PIK3R1: variants seen among roughly 807,000 people sequenced by gnomAD.
PIK3R1 encodes the protein phosphoinositide-3-kinase regulatory subunit 1, also known as phosphatidylinositol 3-kinase regulatory subunit alpha.
A neutral mutation model predicts 98.0 loss-of-function variants in PIK3R1; 29 were observed. The observed-to-expected ratio is 0.30, with a 90% CI of 0.22 to 0.40. The LOEUF (loss-of-function observed/expected upper bound fraction) is 0.40, where lower values mean the gene tolerates loss of function less well. Among genes scored for constraint, PIK3R1 ranks in the 10% least tolerant of loss-of-function variants. The pLI is 1.00. For synonymous variants in PIK3R1, 282 were observed against 311.8 expected, an observed-to-expected ratio of 0.90 and a Z score of 1.01; for missense variants, 596 against 872.7, an observed-to-expected ratio of 0.68 and a Z score of 3.99.
At position 68,225,732 on chromosome 5, in the gene PIK3R1, G is replaced by C. The variant is rs1744247824; in HGVS notation, c.-386-558G>C. On this transcript the variant is annotated intron_variant, in intron 1 of 15. Coordinates refer to ENST00000521381, the MANE Select transcript of PIK3R1 (RefSeq NM_181523.3). ...CCAAGCCCTTTCCGTGTTCCACACT[G>C]TGGGCTGAATTACTCACAAACTCAG... 6.6e-5 allele frequency among the ~76,000 whole-genome samples: 10 copies of C among 152,300 alleles called. No individual in the cohort carries two copies. The South Asian group carries it at 2.1e-3, about 32-fold the overall frequency.
chr5:68,225,661 A>G (rs1180988056), intron 1 of PIK3R1, among the ~76,000 whole-genome samples: 1 of 152,100 alleles, frequency 6.6e-6, no homozygotes, highest in Non-Finnish European at 1.5e-5. Context: ...CTGTGGTTAG[A>G]TTGATATTCC....
At chr5:68,238,355 T>C (rs1186630587) in intron 2 of PIK3R1, among the ~76,000 whole-genome samples, 1 of 152,188 alleles carries the variant, frequency 6.6e-6, no homozygotes, top group Non-Finnish European at 1.5e-5. Context: ...CTGAACCATG[T>C]CCATCTATAA....
intron 2 of PIK3R1, among the ~76,000 whole-genome samples, chr5:68,254,836 CT>C (rs66853734): frequency 0.64 from 95,256 of 148,392 alleles, 30,400 homozygotes; most frequent in African/African-American, 0.7. Flanking sequence ...TTCTTTTTTT[CT>C]TTTTTTTTTT....
chr5:68,267,974 C>T (rs1402182757), intron 2 of PIK3R1, among the ~76,000 whole-genome samples: 1 of 151,990 alleles, frequency 6.6e-6, no homozygotes, highest in African/African-American at 2.4e-5. Flanking sequence ...CAATTGCAAT[C>T]GGGTATTTCC....
At chr5:68,262,614 CACA>C in intron 2 of PIK3R1, among the ~76,000 whole-genome samples, 1 of 136,496 alleles carries the variant, frequency 7.3e-6, no homozygotes, top group African/African-American at 2.9e-5. Context: ...CACATGTATA[CACA>C]TGTAGATGCA....
chr5:68,288,579 G>A (rs915396023), intron 7 of PIK3R1: 22 of 1,523,420 alleles, frequency 1.4e-5, no homozygotes, highest in Non-Finnish European at 1.9e-5. Flanking sequence ...CGGCGCCCCC[G>A]CTCCTGCGCG....
At position 68,301,390 on chromosome 5, in the gene PIK3R1, GTGTA is replaced by G. The variant is rs1215346452; in HGVS notation, c.*3791_*3794del. On this transcript the variant is annotated 3_prime_UTR_variant, in exon 16 of 16. Transcript: ENST00000521381. ...TATGTGTGTGTGTGTGTGTGTGTGTGTGTATATATATATATATATATATATATAT... is the reference window on the plus strand; with the variant it reads ...TATGTGTGTGTGTGTGTGTGTGTGTGTATATATATATATATATATATATAT... The G allele has an allele frequency of 9.6e-4, 34 of 35,582 alleles. No homozygotes were observed. Among genetic ancestry groups the G allele is most frequent in the African/African-American group, 3.1e-3 (29 of 9,398 alleles). 2.2% of individuals were successfully genotyped at this position (35,582 alleles called of 1,614,324 possible).
chr5:68,263,157 A>G (rs868250476), intron 2 of PIK3R1, among the ~76,000 whole-genome samples: 1 of 146,538 alleles, frequency 6.8e-6, no homozygotes, highest in Non-Finnish European at 1.5e-5. Context: ...ATATATGTAC[A>G]TATATCTACA....
chr5:68,246,924 C>T (rs62355063), intron 2 of PIK3R1, among the ~76,000 whole-genome samples: 3 of 152,084 alleles, frequency 2.0e-5, no homozygotes, highest in African/African-American at 4.8e-5. Context: ...AAATGCTGAG[C>T]CTTAAGAGGG....
chr5:68,262,740 T>A, intron 2 of PIK3R1, among the ~76,000 whole-genome samples: 1 of 140,846 alleles, frequency 7.1e-6, no homozygotes, highest in South Asian at 2.2e-4. Flanking sequence ...TACATGTAGA[T>A]GCATGTAGAT....
chr5:68,273,710 T>C (rs1746457128), intron 3 of PIK3R1: 9 of 591,958 alleles, frequency 1.5e-5, no homozygotes, highest in Non-Finnish European at 2.7e-5. Context: ...TATTAAATTC[T>C]TCATAATTTA....
chr5:68,299,270 G>A lies in PIK3R1; in HGVS notation c.*1669G>A, dbSNP rs899143586. ...TGAAAAATACTTTTGGTGGTATGTT[G>A]GTTACCCTCCTAGCTTTCCATTTGG... On this transcript the variant is annotated 3_prime_UTR_variant, in exon 16 of 16. Transcript: ENST00000521381. The A allele has an allele frequency of 3.9e-5, 9 of 233,334 alleles. No homozygotes were observed. Among genetic ancestry groups the A allele is most frequent in the African/African-American group, 2.0e-4 (9 of 45,268 alleles). The allele number at this position is 233,334 out of a possible 1,614,324, so 14.5% of individuals were successfully genotyped here. A position where few individuals can be genotyped will look rare whatever the true frequency, so the allele number is the denominator to read the frequency against.
chr5:68,276,125 A>G (rs251408), intron 4 of PIK3R1, among the ~76,000 whole-genome samples: 50,675 of 152,086 alleles, frequency 0.33, 10,436 homozygotes, highest in Non-Finnish European at 0.44. Context: ...TCTTTGTCTC[A>G]TGCAAGTTTT....
chr5:68,262,723 A>G (rs1325902705), intron 2 of PIK3R1, among the ~76,000 whole-genome samples: 1 of 143,646 alleles, frequency 7.0e-6, no homozygotes, highest in East Asian at 2.0e-4. Context: ...ATGCATGTAT[A>G]CATATATACA....
intron 2 of PIK3R1, among the ~76,000 whole-genome samples, chr5:68,231,683 A>G (rs1184306042): frequency 6.6e-6 from 1 of 152,232 alleles, no homozygotes; most frequent in Non-Finnish European, 1.5e-5. Flanking sequence ...CCTTGAGGCA[A>G]ATAGTGCTTG....
intron 2 of PIK3R1, among the ~76,000 whole-genome samples, chr5:68,240,663 GT>G (rs1308442092): frequency 1.3e-5 from 2 of 152,164 alleles, no homozygotes; most frequent in Non-Finnish European, 2.9e-5. Flanking sequence ...CACTGTAACT[GT>G]TTTTTATCCC....
At chr5:68,256,686 TATGTAGTCTC>T (rs1372850164) in intron 2 of PIK3R1, among the ~76,000 whole-genome samples, 1 of 152,038 alleles carries the variant, frequency 6.6e-6, no homozygotes, top group Non-Finnish European at 1.5e-5. Context: ...CAAAATTCAC[TATGTAGTCTC>T]ATGGATTGAG....
chr5:68,263,395 G>A (rs539904054), intron 2 of PIK3R1, among the ~76,000 whole-genome samples: 1 of 151,552 alleles, frequency 6.6e-6, no homozygotes, highest in Non-Finnish European at 1.5e-5. Flanking sequence ...AGAATGTAGT[G>A]ATAGGGTTCA....
At chr5:68,232,476 G>A (rs998035091) in intron 2 of PIK3R1, among the ~76,000 whole-genome samples, 3 of 152,206 alleles carry the variant, frequency 2.0e-5, no homozygotes, top group African/African-American at 7.2e-5. Context: ...GGGCCTGTGA[G>A]TAGGGAGGCT....
Sources: gnomAD v4.1 joint callset for allele counts (sites outside exome capture counted in the v4.1 genomes callset) on GRCh38, gnomAD v4.1.1 for gene constraint, MANE v1.5 for transcripts, NCBI Gene and HGNC (gene_info 2026-07-23, HGNC 2026-07-21) for gene names.